The following RNF130 variants were observed in gnomAD, a reference collection of about 807,000 sequenced individuals.
RNF130 encodes ring finger protein 130.
Under a neutral mutation model 44.6 loss-of-function variants are expected in RNF130, and 21 were observed. That is an observed-to-expected ratio of 0.47 (90% CI 0.33 to 0.68). RNF130 has a LOEUF of 0.68. RNF130 is among the 30% of genes least tolerant of loss of function. The pLI, the probability that RNF130 is intolerant of heterozygous loss-of-function variation, is 0.02. For missense variants in RNF130, 479 were observed against 560.6 expected (o/e 0.85, Z 1.47); for synonymous variants, 214 against 210.4 (o/e 1.02, Z -0.15).
chr5:180,045,818 T>G (rs1002414948), intron 1 of RNF130, among the ~76,000 whole-genome samples: 3 of 152,228 alleles, frequency 2.0e-5, no homozygotes, highest in African/African-American at 7.2e-5. Flanking sequence ...CTGGTGCCTT[T>G]ACAAACCTTG....
chr5:180,030,906 A>C (rs1311496036), intron 2 of RNF130, among the ~76,000 whole-genome samples: 1 of 152,158 alleles, frequency 6.6e-6, no homozygotes, highest in Non-Finnish European at 1.5e-5. Flanking sequence ...AACTGTCCAG[A>C]TCCACTTACA....
intron 3 of RNF130, among the ~76,000 whole-genome samples, chr5:180,007,306 CAGG>C (rs1347255575): frequency 6.6e-6 from 1 of 152,144 alleles, no homozygotes; most frequent in African/African-American, 2.4e-5. Flanking sequence ...GAGGCTGAGG[CAGG>C]AGAATTGCTT....
intron 7 of RNF130, among the ~76,000 whole-genome samples, chr5:179,935,712 T>C (rs1014947986): frequency 6.6e-6 from 1 of 151,914 alleles, no homozygotes; most frequent in African/African-American, 2.4e-5. Context: ...CAGTTTTCTC[T>C]CTATTAGTGT....
At chr5:180,070,246 G>T (rs575218897) in intron 1 of RNF130, among the ~76,000 whole-genome samples, 2 of 152,270 alleles carry the variant, frequency 1.3e-5, no homozygotes, top group South Asian at 4.1e-4. Context: ...TTGTTTCTAC[G>T]GCCAAGCTGG....
intron 2 of RNF130, among the ~76,000 whole-genome samples, chr5:180,033,754 A>G (rs549046829): frequency 7.0e-5 from 10 of 142,640 alleles, no homozygotes; most frequent in African/African-American, 2.5e-4. Flanking sequence ...ATGACTTTGT[A>G]TTCTACATTC....
At chr5:179,938,928 A>T (rs1461786152) in intron 7 of RNF130, among the ~76,000 whole-genome samples, 1 of 152,114 alleles carries the variant, frequency 6.6e-6, no homozygotes, top group African/African-American at 2.4e-5. Context: ...AGAGTCAAGG[A>T]TCAAAAGTGC....
At chr5:180,047,233 T>G (rs1764585947) in intron 1 of RNF130, among the ~76,000 whole-genome samples, 2 of 152,220 alleles carry the variant, frequency 1.3e-5, no homozygotes. Flanking sequence ...TTTGTCAAAT[T>G]CTAATTTTAT....
intron 3 of RNF130, among the ~76,000 whole-genome samples, chr5:179,987,142 C>T (rs1310354529): frequency 6.6e-6 from 1 of 151,702 alleles, no homozygotes; most frequent in Admixed American, 6.6e-5. Flanking sequence ...TTCCTCCCTT[C>T]CTCCTTTCCT....
At chr5:179,983,498 T>G (rs1762886993) in intron 3 of RNF130, among the ~76,000 whole-genome samples, 1 of 152,216 alleles carries the variant, frequency 6.6e-6, no homozygotes, top group Non-Finnish European at 1.5e-5. Context: ...TGCATCTATT[T>G]GTTTACCATT....
chr5:180,048,671 A>C (rs1764624310), intron 1 of RNF130, among the ~76,000 whole-genome samples: 1 of 152,162 alleles, frequency 6.6e-6, no homozygotes, highest in Non-Finnish European at 1.5e-5. Flanking sequence ...CCTGTCTCAG[A>C]ACAGGGCTGT....
chr5:179,988,500 T>C (rs1763004406), intron 3 of RNF130, among the ~76,000 whole-genome samples: 2 of 152,218 alleles, frequency 1.3e-5, no homozygotes, highest in African/African-American at 2.4e-5. Context: ...GGCTCTTCAT[T>C]TGAAATATTT....
At chr5:179,971,518 C>T (rs976582229) in intron 5 of RNF130, among the ~76,000 whole-genome samples, 3 of 152,154 alleles carry the variant, frequency 2.0e-5, no homozygotes, top group Non-Finnish European at 1.5e-5. Context: ...TACAGCAGCC[C>T]GCCACCACGC....
chr5:179,958,782 G>A (rs967891859), intron 8 of RNF130, among the ~76,000 whole-genome samples: 4 of 152,072 alleles, frequency 2.6e-5, no homozygotes, highest in Non-Finnish European at 5.9e-5. Context: ...CGCCTCCCAG[G>A]TTCAAGTGAT....
chr5:180,006,569 A>G (rs1763466995), intron 3 of RNF130, among the ~76,000 whole-genome samples: 1 of 152,258 alleles, frequency 6.6e-6, no homozygotes, highest in Non-Finnish European at 1.5e-5. Flanking sequence ...TAAAAAGCAC[A>G]TGCATTTTCA....
chr5:180,044,785 T>C (rs904843212), intron 1 of RNF130, among the ~76,000 whole-genome samples: 1 of 151,970 alleles, frequency 6.6e-6, no homozygotes, highest in African/African-American at 2.4e-5. Flanking sequence ...TGAGCCAAGA[T>C]TGTGCCACTG....
intron 3 of RNF130, among the ~76,000 whole-genome samples, chr5:179,991,937 A>G (rs191088269): frequency 2.2e-3 from 342 of 152,184 alleles, no homozygotes; most frequent in African/African-American, 7.9e-3. Flanking sequence ...TTGCATGTAC[A>G]GTTCACAGTA....
At chr5:179,939,687 T>C in intron 7 of RNF130, 1 of 450,176 alleles carries the variant, frequency 2.2e-6, no homozygotes, top group South Asian at 1.8e-5. Context: ...ATGAAGAAAA[T>C]CTTCATCAAA....
At chr5:180,001,100 C>G (rs1416340186) in intron 3 of RNF130, among the ~76,000 whole-genome samples, 1 of 152,130 alleles carries the variant, frequency 6.6e-6, no homozygotes, top group Admixed American at 6.5e-5. Context: ...TGGATAGGTG[C>G]AGTGGTACAG....
Position 180,003,282 on chromosome 5 carries a change from G to A in RNF130, c.693+9779C>T, listed in dbSNP as rs114535479. Among the ~76,000 whole-genome samples, 1,087 of 152,190 alleles carry A rather than the reference G, an allele frequency of 7.1e-3. 6 individuals carry two copies. The highest frequency in any genetic ancestry group is 0.01 in the Non-Finnish European group (695 of 67,992). On this transcript the variant is annotated intron_variant, in intron 3 of 8. Transcript: ENST00000521389. ...GCTCGGTGATGAGCCGTGTGAGAGC[G>A]CCTGCCATCACACTGCATTATGGAA...
Sources: allele counts gnomAD v4.1 joint callset (sites outside exome capture counted in the v4.1 genomes callset), GRCh38; gene constraint gnomAD v4.1.1; transcripts MANE v1.5; gene names NCBI Gene and HGNC (gene_info 2026-07-23, HGNC 2026-07-21).